The following FBXL7 variants were observed in gnomAD, a reference collection of about 807,000 sequenced individuals.
The protein encoded by FBXL7 is F-box and leucine rich repeat protein 7.
FBXL7 carries 12 observed loss-of-function variants against 38.3 expected under a neutral mutation model. The ratio of observed to expected loss-of-function variants is 0.31; its 90% CI spans 0.20 to 0.51. FBXL7 has a LOEUF of 0.51. FBXL7 is among the 20% of genes least tolerant of loss of function. The probability of loss-of-function intolerance (pLI) is 0.98; values close to 1 mark genes in which losing one functional copy is unlikely to be tolerated. For missense variants in FBXL7, 567 were observed against 676.4 expected, an observed-to-expected ratio of 0.84 and a Z score of 1.79; for synonymous variants, 297 against 300.9, an observed-to-expected ratio of 0.99 and a Z score of 0.13.
At chr5:15,664,951 G>A (rs1742221276) in intron 2 of FBXL7, among the ~76,000 whole-genome samples, 2 of 151,572 alleles carry the variant, frequency 1.3e-5, no homozygotes, top group Admixed American at 1.3e-4. Flanking sequence ...ATAGGATTCT[G>A]GGTTGGCAGT....
chr5:15,851,611 G>A (rs1739095982), intron 2 of FBXL7, among the ~76,000 whole-genome samples: 1 of 152,034 alleles, frequency 6.6e-6, no homozygotes, highest in Admixed American at 6.6e-5. Context: ...TAATTCTCAA[G>A]GCTAAATCCA....
intron 1 of FBXL7, among the ~76,000 whole-genome samples, chr5:15,584,758 A>T (rs1173347572): frequency 6.6e-6 from 1 of 152,142 alleles, no homozygotes; most frequent in Non-Finnish European, 1.5e-5. Flanking sequence ...GTATTAGTCC[A>T]TTTTCACACT....
intron 2 of FBXL7, among the ~76,000 whole-genome samples, chr5:15,896,383 C>G (rs1166351085): frequency 6.6e-6 from 1 of 152,132 alleles, no homozygotes; most frequent in Non-Finnish European, 1.5e-5. Flanking sequence ...TTTCTGAAAC[C>G]TAATGCAAAT....
chr5:15,906,108 A>G (rs916138587), intron 2 of FBXL7, among the ~76,000 whole-genome samples: 9 of 152,170 alleles, frequency 5.9e-5, no homozygotes, highest in Non-Finnish European at 1.2e-4. Flanking sequence ...AAGTGGTTCT[A>G]AATAAAGATC....
chr5:15,897,549 T>C (rs1420575952), intron 2 of FBXL7, among the ~76,000 whole-genome samples: 1 of 152,170 alleles, frequency 6.6e-6, no homozygotes, highest in Non-Finnish European at 1.5e-5. Flanking sequence ...ATGAAGAAGA[T>C]ACCAATTGAG....
At chr5:15,764,629 C>T (rs1477858027) in intron 2 of FBXL7, among the ~76,000 whole-genome samples, 1 of 152,196 alleles carries the variant, frequency 6.6e-6, no homozygotes, top group South Asian at 2.1e-4. Flanking sequence ...GTTTCAAATC[C>T]CAGCTTTTTC....
intron 1 of FBXL7, among the ~76,000 whole-genome samples, chr5:15,560,880 T>G (rs924458441): frequency 6.6e-6 from 1 of 152,180 alleles, no homozygotes; most frequent in Non-Finnish European, 1.5e-5. Context: ...CTAATGCAAA[T>G]TGACTCATAC....
chr5:15,917,823 T>C (rs1221566526), intron 2 of FBXL7, among the ~76,000 whole-genome samples: 1 of 151,204 alleles, frequency 6.6e-6, no homozygotes, highest in East Asian at 1.9e-4. Flanking sequence ...TGTTTAAAGA[T>C]ATTCTAGAAA....
At position 15,939,037 on chromosome 5, in the gene FBXL7, T is replaced by TA; in HGVS notation, c.*1852dup. On this transcript the variant is annotated 3_prime_UTR_variant, in exon 4 of 4. Transcript: ENST00000504595. ...TAGACACCCTTGACAACTGCACTCC[T>TA]ACTGTAGGCTCCTGTGCATACTGTC... is the stretch of plus-strand genomic sequence containing the variant. 1 of 399,078 alleles carries TA rather than the reference T, an allele frequency of 2.5e-6. No homozygotes were observed. Among genetic ancestry groups the TA allele is most frequent in the Non-Finnish European group, 4.4e-6 (1 of 226,066 alleles). 24.7% of individuals were successfully genotyped at this position (399,078 alleles called of 1,614,324 possible). A position where few individuals can be genotyped will look rare whatever the true frequency, so the allele number is the denominator to read the frequency against.
At chr5:15,737,075 A>T (rs752941811) in intron 2 of FBXL7, among the ~76,000 whole-genome samples, 1 of 152,178 alleles carries the variant, frequency 6.6e-6, no homozygotes, top group African/African-American at 2.4e-5. Context: ...CCAGAGTCAC[A>T]CAGCCAGTAA....
At chr5:15,901,719 C>A (rs1453782329) in intron 2 of FBXL7, among the ~76,000 whole-genome samples, 83 of 152,166 alleles carry the variant, frequency 5.5e-4, no homozygotes, top group Non-Finnish European at 4.4e-5. Context: ...TCTCTCACTT[C>A]AAAAAGATTT....
At chr5:15,794,899 C>A (rs1348127289) in intron 2 of FBXL7, among the ~76,000 whole-genome samples, 2 of 152,142 alleles carry the variant, frequency 1.3e-5, no homozygotes, top group Non-Finnish European at 2.9e-5. Context: ...TCAATACAGG[C>A]CAGAGAGCAA....
At chr5:15,553,632 G>A (rs1269632541) in intron 1 of FBXL7, among the ~76,000 whole-genome samples, 2 of 152,174 alleles carry the variant, frequency 1.3e-5, no homozygotes, top group African/African-American at 4.8e-5. Context: ...TTACAGATGA[G>A]CAAGCTGAGG....
chr5:15,542,301 A>G (rs541188123), intron 1 of FBXL7, among the ~76,000 whole-genome samples: 61 of 152,250 alleles, frequency 4.0e-4, no homozygotes, highest in Non-Finnish European at 7.1e-4. Context: ...TGCTTTTCAC[A>G]TAATTCTACA....
intron 2 of FBXL7, among the ~76,000 whole-genome samples, chr5:15,871,488 T>C (rs1246138018): frequency 1.3e-5 from 2 of 152,234 alleles, no homozygotes; most frequent in East Asian, 3.9e-4. Context: ...AGAAGGTGGG[T>C]AATAACAAAC....
chr5:15,853,647 G>A (rs1739167776), intron 2 of FBXL7, among the ~76,000 whole-genome samples: 1 of 152,172 alleles, frequency 6.6e-6, no homozygotes, highest in Non-Finnish European at 1.5e-5. Context: ...CATGCCCCAG[G>A]CAGGCAGGTG....
intron 1 of FBXL7, among the ~76,000 whole-genome samples, chr5:15,509,057 T>A (rs139008670): frequency 1.3e-5 from 2 of 152,318 alleles, no homozygotes; most frequent in African/African-American, 4.8e-5. Flanking sequence ...CTTGAATAAA[T>A]CTTTTCACTT....
chr5:15,743,224 GTCCCA>G (rs1735935835), intron 2 of FBXL7, among the ~76,000 whole-genome samples: 1 of 152,112 alleles, frequency 6.6e-6, no homozygotes, highest in Non-Finnish European at 1.5e-5. Flanking sequence ...CAAGTCCAAA[GTCCCA>G]TCTGAGACAA....
intron 2 of FBXL7, among the ~76,000 whole-genome samples, chr5:15,868,045 G>T (rs962471474): frequency 6.6e-6 from 1 of 151,404 alleles, no homozygotes; most frequent in Non-Finnish European, 1.5e-5. Context: ...CGGAGGTTGC[G>T]GTGAGCTGAG....
Sources: gnomAD v4.1 joint callset for allele counts (sites outside exome capture counted in the v4.1 genomes callset) on GRCh38, gnomAD v4.1.1 for gene constraint, MANE v1.5 for transcripts, NCBI Gene and HGNC (gene_info 2026-07-23, HGNC 2026-07-21) for gene names.